AGAP1: variants seen among roughly 807,000 people sequenced by gnomAD.
The protein encoded by AGAP1 is ArfGAP with GTPase domain, ankyrin repeat and PH domain 1, also known as arf-GAP with GTPase, ANK repeat and PH domain-containing protein 1.
In AGAP1, 29 loss-of-function variants were observed where a neutral mutation model predicts 105.3. The observed-to-expected ratio is 0.28, with a 90% CI of 0.21 to 0.38. The LOEUF (loss-of-function observed/expected upper bound fraction) is 0.38. Among genes scored for constraint, AGAP1 ranks in the 10% least tolerant of loss-of-function variants. AGAP1 has a pLI of 1.00. For missense variants in AGAP1, 998 were observed against 1,165.1 expected, an observed-to-expected ratio of 0.86 and a Z score of 2.09; for synonymous variants, 509 against 485.9, an observed-to-expected ratio of 1.05 and a Z score of -0.63.
chr2:235,858,756 T>C (rs1189578305), intron 9 of AGAP1, among the ~76,000 whole-genome samples: 3 of 152,162 alleles, frequency 2.0e-5, no homozygotes, highest in Admixed American at 1.3e-4. Context: ...GCCTGTGAAA[T>C]TGATGAGCAG....
intron 1 of AGAP1, chr2:235,670,391 C>G (rs1431509302): frequency 1.8e-6 from 1 of 564,958 alleles, no homozygotes; most frequent in African/African-American, 2.0e-5. Flanking sequence ...CTTCCGCACC[C>G]GCAGCACCGG....
chr2:236,131,422 G>C lies in AGAP1; in HGVS notation c.*7300G>C, dbSNP rs1250165998. ...CAACCCACCTTGCAGCCAGTTTTCT[G>C]TTTCTGTAAATAGCAGTGTATAGAG... On this transcript the variant is annotated 3_prime_UTR_variant, in exon 18 of 18. Transcript: ENST00000304032. The surrounding 1 kb of genome is among the most constrained non-coding windows in gnomAD (Gnocchi z 5.9). 1 of 152,168 alleles carries C rather than the reference G, an allele frequency of 6.6e-6. No homozygotes were observed. The highest frequency in any genetic ancestry group is 2.4e-5 in the African/African-American group (1 of 41,432). 9.4% of individuals were successfully genotyped at this position (152,168 alleles called of 1,614,324 possible).
rs1033209876 is a variant in AGAP1 at position 235,631,948 on chromosome 2, C to T, written c.164-77231C>T. ...TGTTACCTGCATGCATATATGATGG[C>T]TGGCCACCATCTGAGACTGGGACAG... On this transcript the variant is annotated intron_variant, in intron 1 of 17. Coordinates refer to ENST00000304032, the MANE Select transcript of AGAP1 (RefSeq NM_001037131.3). The surrounding 1 kb of genome is among the most constrained non-coding windows in gnomAD (Gnocchi z 5.4). Among the ~76,000 whole-genome samples, 17 of 152,200 alleles carry T rather than the reference C, an allele frequency of 1.1e-4. 1 individual carries two copies.
At chr2:235,861,924 C>T (rs1056976621) in intron 9 of AGAP1, among the ~76,000 whole-genome samples, 1 of 152,160 alleles carries the variant, frequency 6.6e-6, no homozygotes, top group African/African-American at 2.4e-5. Context: ...TAAAAAGTCC[C>T]ATTTGGGAGG....
rs1489648767 is a variant in AGAP1, at chr2:235,759,229, T to C, written c.673+8741T>C. ...TGTCACCCAGGCTGGACTGCAGTGGTGTGATCTCAGCTCACTGCAAGCTCC... is the reference window on the plus strand; with the variant it reads ...TGTCACCCAGGCTGGACTGCAGTGGCGTGATCTCAGCTCACTGCAAGCTCC... On this transcript the variant is annotated intron_variant, in intron 6 of 17. Transcript: ENST00000304032. Among the ~76,000 whole-genome samples the C allele has an allele frequency of 1.5e-4, 22 of 147,504 alleles. 1 individual carries two copies. The highest frequency in any genetic ancestry group is 1.0e-4 in the African/African-American group (4 of 39,820).
At chr2:235,515,642 G>A (rs1277100209) in intron 1 of AGAP1, among the ~76,000 whole-genome samples, 2 of 152,182 alleles carry the variant, frequency 1.3e-5, no homozygotes, top group Non-Finnish European at 2.9e-5. Context: ...GCTTAGTGTT[G>A]AACCAGACAT....
At chr2:235,898,969 C>T (rs566169521) in intron 10 of AGAP1, among the ~76,000 whole-genome samples, 1 of 152,244 alleles carries the variant, frequency 6.6e-6, no homozygotes, top group African/African-American at 2.4e-5. Context: ...CTGTGAACTC[C>T]CTTGGCAGGC....
chr2:236,028,073 T>C (rs1445553661), intron 13 of AGAP1, among the ~76,000 whole-genome samples: 7 of 152,192 alleles, frequency 4.6e-5, no homozygotes, highest in Admixed American at 3.3e-4. Context: ...GGGGTTGCAG[T>C]TGGTCCTTAG....
rs2057699901 is a variant in AGAP1, at chr2:236,045,839, T to A, written c.1892-3220T>A. ...CTCTGCTGGAGCGGAGGCAAGGTTC[T>A]CCCCTCAGTCAGCCCCAGCCTTACC... On this transcript the variant is annotated intron_variant, in intron 15 of 17. Transcript: ENST00000304032. The surrounding 1 kb of genome is among the most constrained non-coding windows in gnomAD (Gnocchi z 6.9). 7.2e-6 allele frequency: 3 copies of A among 414,326 alleles called. No homozygotes were observed. Among genetic ancestry groups the A allele is most frequent in the Admixed American group, 5.1e-5 (2 of 39,212 alleles). 25.7% of individuals were successfully genotyped at this position (414,326 alleles called of 1,614,324 possible).
At chr2:235,688,899 G>T (rs1178338196) in intron 1 of AGAP1, among the ~76,000 whole-genome samples, 1 of 152,148 alleles carries the variant, frequency 6.6e-6, no homozygotes, top group African/African-American at 2.4e-5. Flanking sequence ...GACTGGGTTT[G>T]TTGCTGTGTC....
chr2:235,829,683 T>A (rs1402839799), intron 9 of AGAP1, among the ~76,000 whole-genome samples: 2 of 152,228 alleles, frequency 1.3e-5, no homozygotes, highest in Admixed American at 1.3e-4. Context: ...TTTCTACATC[T>A]TCTTTGTGGG....
chr2:235,744,941 C>A lies in AGAP1; in HGVS notation c.538+102C>A, dbSNP rs1952811637. On this transcript the variant is annotated intron_variant, in intron 5 of 17. Transcript: ENST00000304032. This position sits in a 1 kb window ranked among gnomAD's most constrained non-coding sequence, Gnocchi z 5.2. ...AATGCTTTAAAGAAGGAAAAATTGC[C>A]TACTGAACGCTCACTTTTTTGGGAA... The A allele has an allele frequency of 1.5e-6, 2 of 1,369,904 alleles. No homozygotes were observed. Among genetic ancestry groups the A allele is most frequent in the East Asian group, 4.8e-5 (2 of 41,794 alleles). 84.9% of individuals were successfully genotyped at this position (1,369,904 alleles called of 1,614,324 possible). A position where few individuals can be genotyped will look rare whatever the true frequency, so the allele number is the denominator to read the frequency against.
At chr2:235,975,427 A>G (rs116497205) in intron 13 of AGAP1, among the ~76,000 whole-genome samples, 237 of 152,316 alleles carry the variant, frequency 1.6e-3, no homozygotes, top group African/African-American at 5.4e-3. Flanking sequence ...ATGGACTATC[A>G]TGCAGCTTGA....
At chr2:235,702,328 T>A (rs1325663125) in intron 1 of AGAP1, among the ~76,000 whole-genome samples, 1 of 152,188 alleles carries the variant, frequency 6.6e-6, no homozygotes, top group Non-Finnish European at 1.5e-5. Context: ...CCTTGTCTAA[T>A]GAAGAATGTG....
intron 15 of AGAP1, among the ~76,000 whole-genome samples, chr2:236,041,159 C>T (rs1338553513): frequency 6.6e-6 from 1 of 151,992 alleles, no homozygotes; most frequent in African/African-American, 2.4e-5. Flanking sequence ...CCCAGGAATT[C>T]AAGACGAGCC....
At chr2:236,075,500 T>C (rs1347025476) in intron 16 of AGAP1, among the ~76,000 whole-genome samples, 1 of 152,044 alleles carries the variant, frequency 6.6e-6, no homozygotes, top group African/African-American at 2.4e-5. Flanking sequence ...GTTCTGGCCT[T>C]GGGTGAGGAT....
chr2:235,566,346 G>C lies in AGAP1; in HGVS notation c.163+71497G>C, dbSNP rs1029033543. ...GGCCTCCTAAAGTGTTGGGATTACA[G>C]ATATAAGCCATCACGCCCGGCCTTG... On this transcript the variant is annotated intron_variant, in intron 1 of 17. Transcript: ENST00000304032. The surrounding 1 kb of genome is among the most constrained non-coding windows in gnomAD (Gnocchi z 5.2). 6.6e-5 allele frequency among the ~76,000 whole-genome samples: 10 copies of C among 152,272 alleles called. No individual in the cohort carries two copies. Among genetic ancestry groups the C allele is most frequent in the Admixed American group, 4.6e-4 (7 of 15,292 alleles).
In AGAP1 at chr2:235,516,402, A is replaced by AGCT. The variant is rs548752440; in HGVS notation, c.163+21557_163+21559dup. Among the ~76,000 whole-genome samples, 342 of 152,080 alleles carry AGCT rather than the reference A, an allele frequency of 2.2e-3. 2 individuals are homozygous for AGCT. The highest frequency in any genetic ancestry group is 7.7e-3 in the African/African-American group (321 of 41,450). On this transcript the variant is annotated intron_variant, in intron 1 of 17. Coordinates refer to ENST00000304032, the MANE Select transcript of AGAP1 (RefSeq NM_001037131.3). ...TTTTCTACTTTCTCCTCCACAGTACAGCTGCTTGTTGAGAGGCAGTATATG... is the reference window on the plus strand; with the variant it reads ...TTTTCTACTTTCTCCTCCACAGTACAGCTGCTGCTTGTTGAGAGGCAGTATATG...
Position 235,566,713 on chromosome 2 carries a change from G to C in AGAP1, c.163+71864G>C, listed in dbSNP as rs991134892. Reference sequence around the variant, plus strand: ...GGAACACAGGATGCATATTCAGGCAGGAAGTTGTTGGGGTTAACATGAGTG... The same window carrying C: ...GGAACACAGGATGCATATTCAGGCACGAAGTTGTTGGGGTTAACATGAGTG... On this transcript the variant is annotated intron_variant, in intron 1 of 17. Coordinates refer to ENST00000304032, the MANE Select transcript of AGAP1 (RefSeq NM_001037131.3). The surrounding 1 kb of genome is among the most constrained non-coding windows in gnomAD (Gnocchi z 5.2). 5 of 671,704 alleles carry C rather than the reference G, an allele frequency of 7.4e-6. No homozygotes were observed. The highest frequency in any genetic ancestry group is 9.2e-6 in the Non-Finnish European group (5 of 543,638). The allele number at this position is 671,704 out of a possible 1,614,324, so 41.6% of individuals were successfully genotyped here. A position where few individuals can be genotyped will look rare whatever the true frequency, so the allele number is the denominator to read the frequency against.
Sources: allele counts gnomAD v4.1 joint callset (sites outside exome capture counted in the v4.1 genomes callset), GRCh38; gene constraint gnomAD v4.1.1; non-coding constraint Gnocchi (gnomAD v3.1); transcripts MANE v1.5; gene names NCBI Gene and HGNC (gene_info 2026-07-23, HGNC 2026-07-21).